ACTN2: variants seen among roughly 807,000 people sequenced by gnomAD.
ACTN2 encodes the protein actinin alpha 2.
ACTN2 carries 39 observed loss-of-function variants against 113.8 expected under a neutral mutation model. That is an observed-to-expected ratio of 0.34 (90% CI 0.27 to 0.45). The LOEUF (loss-of-function observed/expected upper bound fraction) is 0.45, where lower values mean the gene tolerates loss of function less well. ACTN2 is among the 20% of genes least tolerant of loss of function. ACTN2 has a pLI of 1.00. For missense variants in ACTN2, 992 were observed against 1,177.9 expected (o/e 0.84, Z 2.31); for synonymous variants, 429 against 444.1 (o/e 0.97, Z 0.43).
chr1:236,718,039 G>A, intron 2 of ACTN2, 67 bp downstream of exon 2: 1 of 1,254,076 alleles, frequency 8.0e-7, no homozygotes. Flanking sequence ...ATTTAAAGAT[G>A]ACTACATCAG....
chr1:236,715,142 G>C (rs1468886956), intron 1 of ACTN2, among the ~76,000 whole-genome samples: 1 of 146,286 alleles, frequency 6.8e-6, no homozygotes, highest in African/African-American at 2.6e-5. Context: ...CGTACCACTT[G>C]AATTTCTTTT....
chr1:236,696,515 G>C (rs956962206), intron 1 of ACTN2, among the ~76,000 whole-genome samples: 1 of 152,064 alleles, frequency 6.6e-6, no homozygotes, highest in Non-Finnish European at 1.5e-5. Context: ...ACTTTTAGAA[G>C]GTAGGTAATC....
At chr1:236,689,823 A>G (rs1290609100) in intron 1 of ACTN2, among the ~76,000 whole-genome samples, 1 of 152,208 alleles carries the variant, frequency 6.6e-6, no homozygotes, top group African/African-American at 2.4e-5. Flanking sequence ...CATCTCCTGG[A>G]ACCAAGGAAC....
intron 13 of ACTN2, 90 bp downstream of exon 13, chr1:236,747,865 G>T: frequency 2.9e-6 from 3 of 1,052,452 alleles, no homozygotes; most frequent in Non-Finnish European, 4.3e-6. Context: ...TTTCTCTGTG[G>T]CATGAAACAG....
chr1:236,699,735 T>A (rs977953194), intron 1 of ACTN2, among the ~76,000 whole-genome samples: 5 of 152,200 alleles, frequency 3.3e-5, no homozygotes, highest in African/African-American at 4.8e-5. Context: ...CTTTGCAATT[T>A]AAAAAAATCC....
chr1:236,735,247 G>A (rs1012983952), intron 7 of ACTN2, among the ~76,000 whole-genome samples: 4 of 152,164 alleles, frequency 2.6e-5, no homozygotes, highest in East Asian at 1.9e-4. Flanking sequence ...AGTGACCTGC[G>A]TTCCCCAGAG....
chr1:236,753,608 G>C (rs773334522), intron 15 of ACTN2, among the ~76,000 whole-genome samples: 2 of 152,166 alleles, frequency 1.3e-5, no homozygotes, highest in Non-Finnish European at 2.9e-5. Context: ...CTCTGGACCT[G>C]GCCCTGACTT....
In ACTN2 at chr1:236,695,092, C is replaced by T. The variant is rs537847390; in HGVS notation, c.126+8293C>T. 3.1e-4 allele frequency among the ~76,000 whole-genome samples: 46 copies of T among 149,562 alleles called. 1 individual carries two copies. In the South Asian group the frequency reaches 9.4e-3, roughly 31 times the overall value. On this transcript the variant is annotated intron_variant, in intron 1 of 20. Coordinates refer to ENST00000366578, the MANE Select transcript of ACTN2 (RefSeq NM_001103.4). ...TTCGTTAAAAAATGTTCAGGCCGGG[C>T]ACAGTGTCTCATGCCTGTAATCCCA...
At chr1:236,748,052 A>G (rs929881414) in intron 13 of ACTN2, 1 of 390,804 alleles carries the variant, frequency 2.6e-6, no homozygotes, top group Non-Finnish European at 4.8e-6. Flanking sequence ...TCTGGTAGTA[A>G]CAGTACGTTT....
chr1:236,732,057 G>A (rs1658726070), intron 7 of ACTN2, among the ~76,000 whole-genome samples: 1 of 152,062 alleles, frequency 6.6e-6, no homozygotes, highest in Non-Finnish European at 1.5e-5. Context: ...GTTCGTTATT[G>A]TAAATATTAT....
At chr1:236,689,703 T>C (rs1666012305) in intron 1 of ACTN2, among the ~76,000 whole-genome samples, 1 of 152,164 alleles carries the variant, frequency 6.6e-6, no homozygotes, top group African/African-American at 2.4e-5. Flanking sequence ...CTCTTGGAGT[T>C]AGAATGTTCT....
rs564068565 is a variant in ACTN2 at position 236,759,050 on chromosome 1, C to G, written c.2302-674C>G. Among the ~76,000 whole-genome samples, 27 of 152,252 alleles carry G rather than the reference C, an allele frequency of 1.8e-4. No individual in the cohort carries two copies. The South Asian group carries it at 5.6e-3, about 32-fold the overall frequency. On this transcript the variant is annotated intron_variant, in intron 18 of 20. Coordinates refer to ENST00000366578, the MANE Select transcript of ACTN2 (RefSeq NM_001103.4). ...GCTAGATAGACCAGTCAGATTTGGG[C>G]CTTTTGGAGGATTCAGACAGTGGAC...
chr1:236,726,698 G>A (rs903525823), intron 5 of ACTN2, among the ~76,000 whole-genome samples: 3 of 152,140 alleles, frequency 2.0e-5, no homozygotes, highest in African/African-American at 7.2e-5. Flanking sequence ...GATGAACCAC[G>A]GTGAAAAATT....
intron 6 of ACTN2, among the ~76,000 whole-genome samples, chr1:236,728,244 T>C (rs1467056845): frequency 4.0e-5 from 6 of 150,994 alleles, no homozygotes; most frequent in African/African-American, 7.3e-5. Flanking sequence ...CCCGGGTTCA[T>C]GCCATTCTCC....
chr1:236,759,500 G>A (rs535677665), intron 18 of ACTN2, among the ~76,000 whole-genome samples: 3 of 152,244 alleles, frequency 2.0e-5, no homozygotes, highest in Middle Eastern at 3.4e-3. Flanking sequence ...GTCTCCTTTC[G>A]TTTTTGTCTG....
chr1:236,763,253 G>T lies in ACTN2; in HGVS notation c.*634G>T. ...TGTCATCTCTTCATTATTTAGGGCT[G>T]GATGGTCAACTCAGTCAGTGATTTT... On this transcript the variant is annotated 3_prime_UTR_variant, in exon 21 of 21. Coordinates refer to ENST00000366578, the MANE Select transcript of ACTN2 (RefSeq NM_001103.4). 6.4e-6 allele frequency: 1 copy of T among 155,890 alleles called. No homozygotes were observed. Among genetic ancestry groups the T allele is most frequent in the Admixed American group, 6.3e-5 (1 of 15,898 alleles). 9.7% of individuals were successfully genotyped at this position (155,890 alleles called of 1,614,324 possible). A position where few individuals can be genotyped will look rare whatever the true frequency, so the allele number is the denominator to read the frequency against.
chr1:236,694,113 A>T (rs1163762677), intron 1 of ACTN2, among the ~76,000 whole-genome samples: 1 of 151,422 alleles, frequency 6.6e-6, no homozygotes, highest in Non-Finnish European at 1.5e-5. Flanking sequence ...GGGTCACCTG[A>T]TGCTCTGTCT....
intron 2 of ACTN2, 54 bp downstream of exon 2, chr1:236,718,026 T>A: frequency 7.2e-7 from 1 of 1,392,742 alleles, no homozygotes; most frequent in Non-Finnish European, 1.0e-6. Flanking sequence ...TAGGTGAGCA[T>A]CTATTTAAAG....
At position 236,727,760 on chromosome 1, in the gene ACTN2, A is replaced by G. The variant is rs376895781; in HGVS notation, c.615+4A>G. 3 of 1,614,002 alleles carry G rather than the reference A, an allele frequency of 1.9e-6. No homozygotes were observed. Among genetic ancestry groups the G allele is most frequent in the Non-Finnish European group, 2.5e-6 (3 of 1,180,024 alleles). ...TGACTACTCAAAGCTTAACAAGGTT[A>G]TTCTGGGTGGCCTGGCATGCAGTGT... On this transcript the variant is annotated splice_donor_region_variant and intron_variant, in intron 6 of 20. Transcript: ENST00000366578.
Sources: gnomAD v4.1 joint callset for allele counts (sites outside exome capture counted in the v4.1 genomes callset) on GRCh38, gnomAD v4.1.1 for gene constraint, MANE v1.5 for transcripts, NCBI Gene and HGNC (gene_info 2026-07-23, HGNC 2026-07-21) for gene names.